Variants in DMXL2 observed in about 807,000 individuals in gnomAD.
The protein encoded by DMXL2 is Dmx like 2.
Under a neutral mutation model 331.1 loss-of-function variants are expected in DMXL2, and 103 were observed. The observed-to-expected ratio is 0.31, with a 90% CI of 0.27 to 0.37. DMXL2 has a LOEUF of 0.37. DMXL2 is among the 10% of genes least tolerant of loss of function. DMXL2 has a pLI of 1.00. For synonymous variants in DMXL2, 1,281 were observed against 1,252.1 expected (o/e 1.02, Z -0.49); for missense variants, 3,171 against 3,642.9 (o/e 0.87, Z 3.33).
At chr15:51,612,719 G>C (rs544050576) in intron 1 of DMXL2, among the ~76,000 whole-genome samples, 3 of 152,114 alleles carry the variant, frequency 2.0e-5, no homozygotes, top group African/African-American at 7.2e-5. Flanking sequence ...ATGAAGTTTC[G>C]GGCATGCATT....
At chr15:51,483,126 G>A (rs369644354) in intron 23 of DMXL2, among the ~76,000 whole-genome samples, 1 of 152,176 alleles carries the variant, frequency 6.6e-6, no homozygotes. Context: ...TACAACAGAA[G>A]AATCCCATAG....
intron 27 of DMXL2, among the ~76,000 whole-genome samples, chr15:51,476,119 G>C (rs143794245): frequency 1.3e-5 from 2 of 152,270 alleles, no homozygotes; most frequent in East Asian, 3.9e-4. Flanking sequence ...TGAAACAACT[G>C]ATGTAGAGAA....
chr15:51,473,395 C>A (rs191901218), intron 28 of DMXL2, among the ~76,000 whole-genome samples: 10 of 152,246 alleles, frequency 6.6e-5, no homozygotes, highest in Admixed American at 5.9e-4. Context: ...TCAGAAAACT[C>A]AGGCAGAGAA....
intron 43 of DMXL2, 152 bp from the exon 44 acceptor site, chr15:51,449,345 A>G (rs1167499556): frequency 1.1e-5 from 7 of 657,898 alleles, no homozygotes; most frequent in Admixed American, 5.5e-5. Context: ...GTGGGAAATG[A>G]TAACACCACT....
intron 15 of DMXL2, among the ~76,000 whole-genome samples, chr15:51,512,083 C>G (rs1299695604): frequency 6.6e-6 from 1 of 151,978 alleles, no homozygotes; most frequent in Non-Finnish European, 1.5e-5. Flanking sequence ...GGAGAAATAC[C>G]TAATGTAGAT....
chr15:51,556,242 C>T (rs1426679513), intron 6 of DMXL2, among the ~76,000 whole-genome samples: 1 of 150,452 alleles, frequency 6.6e-6, no homozygotes, highest in African/African-American at 2.5e-5. Context: ...ACTTGGGAGG[C>T]TGAGGCAGGA....
At position 51,457,483 on chromosome 15, in the gene DMXL2, T is replaced by C. The variant is rs778081044; in HGVS notation, c.8199-17A>G. ...TCATCTGAACTGTGAAAAACATTCA[T>C]GTGTTACTGTGAACATTCCCTTTTC... On this transcript the variant is annotated splice_polypyrimidine_tract_variant and intron_variant, in intron 36 of 43. Coordinates refer to ENST00000560891, the MANE Select transcript of DMXL2 (RefSeq NM_001378457.1). The C allele has an allele frequency of 1.4e-5, 22 of 1,613,178 alleles. No homozygotes were observed. The highest frequency in any genetic ancestry group is 6.7e-5 in the Admixed American group (4 of 59,966).
chr15:51,488,187 T>C lies in DMXL2; in HGVS notation c.5052-68A>G, dbSNP rs889071196. ...AAATGTTCTACAGAATGTATAATAA[T>C]ATAAAATAAAAACCTCAAACAGAAA... On this transcript the variant is annotated intron_variant, in intron 21 of 43. Coordinates refer to ENST00000560891, the MANE Select transcript of DMXL2 (RefSeq NM_001378457.1). The C allele has an allele frequency of 2.9e-5, 40 of 1,359,842 alleles. No individual in the cohort carries two copies. The East Asian group carries it at 8.1e-4, about 28-fold the overall frequency. The allele number at this position is 1,359,842 out of a possible 1,614,324, so 84.2% of individuals were successfully genotyped here.
chr15:51,578,461 G>A (rs1459773315), intron 1 of DMXL2, among the ~76,000 whole-genome samples: 1 of 152,086 alleles, frequency 6.6e-6, no homozygotes, highest in South Asian at 2.1e-4. Flanking sequence ...CAGAGAATGT[G>A]TACTATACTC....
chr15:51,593,100 A>C (rs538145326), intron 1 of DMXL2, among the ~76,000 whole-genome samples: 1 of 152,246 alleles, frequency 6.6e-6, no homozygotes, highest in Non-Finnish European at 1.5e-5. Flanking sequence ...AAATGCTCCA[A>C]TTAAAAGACA....
chr15:51,574,199 C>T (rs2050862185), intron 2 of DMXL2, among the ~76,000 whole-genome samples: 1 of 151,960 alleles, frequency 6.6e-6, no homozygotes, highest in South Asian at 2.1e-4. Context: ...AATTTAGGGA[C>T]CAGGAGGATT....
At chr15:51,475,019 G>GA (rs201060233) in intron 27 of DMXL2, among the ~76,000 whole-genome samples, 10 of 150,458 alleles carry the variant, frequency 6.6e-5, no homozygotes, top group Non-Finnish European at 1.2e-4. Context: ...AATTACAAAG[G>GA]AAAAAAAAAG....
At chr15:51,468,657 T>C (rs546441506) in intron 29 of DMXL2, among the ~76,000 whole-genome samples, 5 of 152,232 alleles carry the variant, frequency 3.3e-5, no homozygotes, top group Admixed American at 6.5e-5. Flanking sequence ...TTCCAGCAAA[T>C]ACATGAAAAA....
intron 29 of DMXL2, among the ~76,000 whole-genome samples, chr15:51,467,729 CTT>C (rs71873179): frequency 1.0e-4 from 15 of 143,026 alleles, no homozygotes; most frequent in East Asian, 6.1e-4. Context: ...CCTAGTACTT[CTT>C]TTTTTTTTTT....
chr15:51,454,826 T>A (rs1282776167), intron 40 of DMXL2, among the ~76,000 whole-genome samples: 1 of 152,014 alleles, frequency 6.6e-6, no homozygotes. Context: ...AATTTTATCA[T>A]GTGTATATTA....
chr15:51,564,233 G>A lies in DMXL2; in HGVS notation c.392C>T (p.Ser131Phe), dbSNP rs545454799. ...TCCTGGAGGAGCCCACAACTGAATA[G>A]AATCAGTTGCTGTCAACAATCTATT... ...QDNRLLTATD[S>F]IQLWAPPGDD... The change falls in exon 5 of 44, where the codon TCT (serine) becomes TTT (phenylalanine). Residue 131 changes from serine to phenylalanine, a missense_variant. Physicochemically the swap from Ser to Phe is radical, Grantham distance 155 (BLOSUM62 -2). Transcript: ENST00000560891. 6.3e-7 allele frequency: 1 copy of A among 1,594,610 alleles called. No homozygotes were observed. The highest frequency in any genetic ancestry group is 1.8e-5 in the Admixed American group (1 of 55,194).
rs182490158 is a variant in DMXL2 at position 51,609,854 on chromosome 15, G to A, written c.87+12605C>T. Reference sequence around the variant, plus strand: ...TGAGGCAGGAAAATCACTTAAACCCGGGAGAACGGAGGTTGCAGTGAGCAG... The same window carrying A: ...TGAGGCAGGAAAATCACTTAAACCCAGGAGAACGGAGGTTGCAGTGAGCAG... On this transcript the variant is annotated intron_variant, in intron 1 of 43. Transcript: ENST00000560891. Among the ~76,000 whole-genome samples the A allele has an allele frequency of 5.0e-4, 76 of 151,894 alleles. 1 individual carries two copies. The highest frequency in any genetic ancestry group is 3.8e-4 in the Non-Finnish European group (26 of 67,962).
chr15:51,618,445 A>G lies in DMXL2; in HGVS notation c.87+4014T>C, dbSNP rs143763446. On this transcript the variant is annotated intron_variant, in intron 1 of 43. Transcript: ENST00000560891. ...TCTAGGACTGAAATTTTATTCTACA[A>G]TAGAGTTAAGACATATCTAAATGCC... Among the ~76,000 whole-genome samples, 1,441 of 152,212 alleles carry G rather than the reference A, an allele frequency of 9.5e-3. 20 individuals are homozygous for G. The highest frequency in any genetic ancestry group is 0.033 in the African/African-American group (1,384 of 41,522).
chr15:51,540,579 A>C (rs2048537250), intron 9 of DMXL2, among the ~76,000 whole-genome samples: 1 of 152,120 alleles, frequency 6.6e-6, no homozygotes, highest in African/African-American at 2.4e-5. Context: ...AAATCTCGGT[A>C]AGTGGTATAT....
Sources: gnomAD v4.1 joint callset for allele counts (sites outside exome capture counted in the v4.1 genomes callset) on GRCh38, gnomAD v4.1.1 for gene constraint, MANE v1.5 for transcripts, NCBI Gene and HGNC (gene_info 2026-07-23, HGNC 2026-07-21) for gene names.